The following CD247 variants were observed in gnomAD, a reference collection of about 807,000 sequenced individuals.
The protein encoded by CD247 is T-cell surface glycoprotein CD3 zeta chain.
A neutral mutation model predicts 30.0 loss-of-function variants in CD247; 13 were observed. That is an observed-to-expected ratio of 0.43 (90% CI 0.28 to 0.69). CD247 has a LOEUF of 0.69. Ranked by LOEUF, CD247 falls within the 30% of genes least tolerant of loss-of-function variation. CD247 has a pLI of 0.16. For synonymous variants in CD247, 72 were observed against 80.0 expected, an observed-to-expected ratio of 0.90 and a Z score of 0.53; for missense variants, 193 against 212.6, an observed-to-expected ratio of 0.91 and a Z score of 0.57.
chr1:167,503,907 A>C (rs766861186), intron 1 of CD247, among the ~76,000 whole-genome samples: 2 of 152,208 alleles, frequency 1.3e-5, no homozygotes, highest in Non-Finnish European at 2.9e-5. Flanking sequence ...GATTAGAGTC[A>C]CGGCTGGTGT....
intron 1 of CD247, among the ~76,000 whole-genome samples, chr1:167,492,154 A>C (rs858545): frequency 0.57 from 86,946 of 152,020 alleles, 25,646 homozygotes; most frequent in South Asian, 0.71. Context: ...ACCAGGCAAA[A>C]AAACAAACAA....
chr1:167,443,740 C>T (rs1651945168), intron 1 of CD247, among the ~76,000 whole-genome samples: 1 of 152,156 alleles, frequency 6.6e-6, no homozygotes, highest in African/African-American at 2.4e-5. Flanking sequence ...TCCCTCCTTC[C>T]TTCTTCCTTT....
chr1:167,478,594 C>T lies in CD247; in HGVS notation c.59-37827G>A, dbSNP rs923464057. Among the ~76,000 whole-genome samples the T allele has an allele frequency of 4.6e-5, 7 of 152,236 alleles. No homozygotes were observed. In the South Asian group the frequency reaches 6.2e-4, roughly 14 times the overall value. ...GGAGAGGCAGTAGTGTGGACAGGAA[C>T]GCAGAGTCTGGAGTCAGACTATTTG... On this transcript the variant is annotated intron_variant, in intron 1 of 7. Transcript: ENST00000362089.
chr1:167,474,752 CT>C (rs1175876563), intron 1 of CD247, among the ~76,000 whole-genome samples: 4,214 of 123,280 alleles, frequency 0.034, 76 homozygotes, highest in African/African-American at 0.054. Flanking sequence ...TTAAAACTGT[CT>C]TTTTTTTTTT....
intron 1 of CD247, among the ~76,000 whole-genome samples, chr1:167,483,720 G>A (rs1654072565): frequency 6.6e-6 from 1 of 152,258 alleles, no homozygotes; most frequent in Non-Finnish European, 1.5e-5. Flanking sequence ...GGCAGTGCCT[G>A]CTCTGGGAGG....
intron 1 of CD247, among the ~76,000 whole-genome samples, chr1:167,456,460 A>T (rs1376280285): frequency 6.6e-6 from 1 of 152,228 alleles, no homozygotes; most frequent in Non-Finnish European, 1.5e-5. Context: ...AAAGACAGGA[A>T]AAAAGGTGGT....
At chr1:167,435,493 G>A in intron 4 of CD247, 59 bp from the exon 5 acceptor site, 1 of 1,409,338 alleles carries the variant, frequency 7.1e-7, no homozygotes, top group Non-Finnish European at 1.0e-6. Context: ...AGCCATGAAA[G>A]TACAGCAAAC....
chr1:167,504,989 C>T (rs970880355), intron 1 of CD247, among the ~76,000 whole-genome samples: 20 of 152,294 alleles, frequency 1.3e-4, no homozygotes, highest in African/African-American at 4.8e-4. Flanking sequence ...GAAGAGTCCT[C>T]ACAATACCAA....
chr1:167,438,513 C>G, intron 4 of CD247, 57 bp downstream of exon 4: 1 of 1,394,932 alleles, frequency 7.2e-7, no homozygotes, highest in Non-Finnish European at 1.0e-6. Context: ...CCCCCACAGC[C>G]TGGGCTGAGC....
chr1:167,435,571 C>G, intron 4 of CD247, 137 bp from the exon 5 acceptor site: 1 of 753,844 alleles, frequency 1.3e-6, no homozygotes, highest in Non-Finnish European at 2.4e-6. Context: ...CTGTGCTACC[C>G]CAGCCTTGCC....
At chr1:167,461,577 T>C (rs1217278069) in intron 1 of CD247, among the ~76,000 whole-genome samples, 1 of 152,198 alleles carries the variant, frequency 6.6e-6, no homozygotes, top group African/African-American at 2.4e-5. Context: ...CGGCCGGGCG[T>C]GGTGGCTCAC....
At chr1:167,439,311 C>A (rs750972018) in intron 3 of CD247, 33 bp downstream of exon 3, 55 of 1,607,726 alleles carry the variant, frequency 3.4e-5, no homozygotes, top group Non-Finnish European at 4.5e-5. Flanking sequence ...GCTGCCCTTC[C>A]TTTCCGGAGG....
chr1:167,455,220 T>C (rs115647472), intron 1 of CD247, among the ~76,000 whole-genome samples: 5,478 of 152,348 alleles, frequency 0.036, 136 homozygotes, highest in Middle Eastern at 0.054. Flanking sequence ...GCTGGGATTT[T>C]AAAGAGACGA....
At chr1:167,440,822 C>T (rs1417191818) in intron 1 of CD247, 55 bp from the exon 2 acceptor site, 2 of 1,121,204 alleles carry the variant, frequency 1.8e-6, no homozygotes, top group Admixed American at 1.8e-5. Context: ...GAACACATCC[C>T]CATTACCCCA....
chr1:167,472,103 G>A (rs185417448), intron 1 of CD247, among the ~76,000 whole-genome samples: 217 of 152,186 alleles, frequency 1.4e-3, no homozygotes, highest in Non-Finnish European at 1.9e-3. Context: ...GAAAGTGCTA[G>A]GATTACAGGC....
chr1:167,496,602 C>A (rs556252060), intron 1 of CD247, among the ~76,000 whole-genome samples: 1 of 152,272 alleles, frequency 6.6e-6, no homozygotes, highest in South Asian at 2.1e-4. Flanking sequence ...GGAACCTAGA[C>A]GATCTCTGGC....
intron 1 of CD247, among the ~76,000 whole-genome samples, chr1:167,463,016 G>A (rs1354944161): frequency 6.6e-6 from 1 of 152,180 alleles, no homozygotes; most frequent in African/African-American, 2.4e-5. Flanking sequence ...GGCATCCCTG[G>A]CCCTAAGAAT....
chr1:167,440,016 CT>C (rs1651745043), intron 2 of CD247: 1 of 164,682 alleles, frequency 6.1e-6, no homozygotes, highest in African/African-American at 2.4e-5. Flanking sequence ...TGGAAACAAC[CT>C]TAGAAATCAT....
chr1:167,459,688 C>T (rs1010335711), intron 1 of CD247: 1 of 152,094 alleles, frequency 6.6e-6, no homozygotes, highest in Non-Finnish European at 1.5e-5. Context: ...ACTGGACTCG[C>T]TTTAAATGTA....
Sources: allele counts gnomAD v4.1 joint callset (sites outside exome capture counted in the v4.1 genomes callset), GRCh38; gene constraint gnomAD v4.1.1; transcripts MANE v1.5; gene names NCBI Gene and HGNC (gene_info 2026-07-23, HGNC 2026-07-21).